Variants in MYB observed in about 807,000 individuals in gnomAD.
MYB encodes the protein MYB proto-oncogene, transcription factor.
Under a neutral mutation model 92.9 loss-of-function variants are expected in MYB, and 28 were observed. That is an observed-to-expected ratio of 0.30 (90% CI 0.22 to 0.41). The LOEUF (loss-of-function observed/expected upper bound fraction) is 0.41. Ranked by LOEUF, MYB falls within the 10% of genes least tolerant of loss-of-function variation. MYB has a pLI of 1.00. For synonymous variants in MYB, 295 were observed against 329.1 expected, an observed-to-expected ratio of 0.90 and a Z score of 1.12; for missense variants, 679 against 929.3, an observed-to-expected ratio of 0.73 and a Z score of 3.50.
intron 3 of MYB, among the ~76,000 whole-genome samples, chr6:135,188,966 C>T (rs1457126060): frequency 6.6e-6 from 1 of 152,146 alleles, no homozygotes; most frequent in African/African-American, 2.4e-5. Context: ...CCTCTATTGC[C>T]CCAACTTACA....
intron 15 of MYB, among the ~76,000 whole-genome samples, chr6:135,216,230 C>T (rs931659488): frequency 1.3e-5 from 2 of 152,116 alleles, no homozygotes; most frequent in Admixed American, 6.5e-5. Flanking sequence ...GTTTCAGAAC[C>T]CGCAAGGACA....
In MYB at chr6:135,201,720, A is replaced by G; in HGVS notation, c.2032A>G (p.Thr678Ala). ...GGACAGTCTGAATACCCAACTGTTC[A>G]CGCAGACCTCGCCTGTGGCAGATGC... ...EGDSLNTQLF[T>A]QTSPVADAPN... Residue 678 changes from threonine (T) to alanine (A), a missense_variant, in exon 14 of 16, where the codon ACG (threonine) becomes GCG (alanine). Transcript: ENST00000341911. 1 of 1,545,116 alleles carries G rather than the reference A, an allele frequency of 6.5e-7. No homozygotes were observed. Among genetic ancestry groups the G allele is most frequent in the Non-Finnish European group, 8.8e-7 (1 of 1,138,438 alleles).
At chr6:135,208,170 T>A (rs1262054514) in intron 15 of MYB, among the ~76,000 whole-genome samples, 1 of 147,358 alleles carries the variant, frequency 6.8e-6, no homozygotes, top group Non-Finnish European at 1.5e-5. Context: ...CCTCCACCTC[T>A]TGGGTTCAAG....
At chr6:135,208,055 A>AGTTTTAT (rs1779195245) in intron 15 of MYB, among the ~76,000 whole-genome samples, 2 of 132,076 alleles carry the variant, frequency 1.5e-5, no homozygotes, top group Non-Finnish European at 3.3e-5. Flanking sequence ...TGAAGTTTTT[A>AGTTTTAT]TTTTTATTTT....
rs1252102154 is a variant in MYB, at chr6:135,217,360, A to G, written c.2170-504A>G. ...GATCAGCCTGGTATGACAGAGCATGACTCTGTCTCAAAAAAAAAAGGAAAA... is the reference window on the plus strand; with the variant it reads ...GATCAGCCTGGTATGACAGAGCATGGCTCTGTCTCAAAAAAAAAAGGAAAA... On this transcript the variant is annotated intron_variant, in intron 15 of 15. Coordinates refer to ENST00000341911, the MANE Select transcript of MYB (RefSeq NM_001130173.2). Among the ~76,000 whole-genome samples the G allele has an allele frequency of 2.1e-5, 3 of 139,840 alleles. No homozygotes were observed. In the East Asian group the frequency reaches 6.4e-4, roughly 30 times the overall value. The allele number at this position is 139,840 out of a possible 152,430, so 91.7% of individuals were successfully genotyped here. A position where few individuals can be genotyped will look rare whatever the true frequency, so the allele number is the denominator to read the frequency against.
chr6:135,200,925 A>C (rs1583333528), intron 13 of MYB, among the ~76,000 whole-genome samples: 1 of 152,012 alleles, frequency 6.6e-6, no homozygotes, highest in Non-Finnish European at 1.5e-5. Context: ...AAAAATACAA[A>C]AAAATTAGCT....
Position 135,200,371 on chromosome 6 carries a change from T to A in MYB, c.1906T>A (p.Phe636Ile). The A allele has an allele frequency of 6.2e-7, 1 of 1,613,940 alleles. No homozygotes were observed. The highest frequency in any genetic ancestry group is 8.5e-7 in the Non-Finnish European group (1 of 1,179,982). The change falls in exon 13 of 16, where the codon TTT becomes ATT. Residue 636 changes from phenylalanine (F) to isoleucine (I), a missense_variant. Coordinates refer to ENST00000341911, the MANE Select transcript of MYB (RefSeq NM_001130173.2). Reference protein sequence around the residue: ...ESDESGIVAEFQENGPPLLKK... With the variant: ...ESDESGIVAEIQENGPPLLKK... ...TGATGAATCTGGAATTGTTGCTGAG[T>A]TTCAAGAAAATGGACCACCCTTACT...
chr6:135,192,164 G>A (rs1776714790), intron 5 of MYB, among the ~76,000 whole-genome samples, 160 bp from the exon 6 acceptor site: 1 of 152,184 alleles, frequency 6.6e-6, no homozygotes, highest in African/African-American at 2.4e-5. Flanking sequence ...AATAGAGAAA[G>A]CCTGATCTCA....
chr6:135,196,703 A>T, intron 9 of MYB: 1 of 1,438,276 alleles, frequency 7.0e-7, no homozygotes, highest in Non-Finnish European at 9.3e-7. Context: ...AAAGGTCTTC[A>T]TTTTGCTTTC....
chr6:135,188,689 T>C (rs1776262976), intron 3 of MYB, among the ~76,000 whole-genome samples: 1 of 152,022 alleles, frequency 6.6e-6, no homozygotes, highest in South Asian at 2.1e-4. Flanking sequence ...TTTGTATTTT[T>C]AGTAGAGACA....
intron 15 of MYB, among the ~76,000 whole-genome samples, chr6:135,210,594 G>C (rs959812736): frequency 6.6e-6 from 1 of 152,060 alleles, no homozygotes; most frequent in South Asian, 2.1e-4. Context: ...TTGCCTGATA[G>C]GCACTGCTGA....
At chr6:135,211,596 T>C (rs548354831) in intron 15 of MYB, among the ~76,000 whole-genome samples, 1 of 152,298 alleles carries the variant, frequency 6.6e-6, no homozygotes, top group Admixed American at 6.5e-5. Context: ...CATATGTGAC[T>C]AAGGAAAAGG....
At chr6:135,196,671 T>C in intron 9 of MYB, 2 of 1,171,992 alleles carry the variant, frequency 1.7e-6, no homozygotes, top group Non-Finnish European at 2.3e-6. Flanking sequence ...GAGATGACCA[T>C]TGCCGTAATA....
chr6:135,185,403 C>T (rs985923944), intron 1 of MYB, among the ~76,000 whole-genome samples: 2 of 152,168 alleles, frequency 1.3e-5, no homozygotes, highest in South Asian at 2.1e-4. Context: ...CGCTGTACTA[C>T]TTCTTGATTT....
chr6:135,195,083 T>G (rs1449081896), intron 8 of MYB: 3 of 1,283,160 alleles, frequency 2.3e-6, no homozygotes, highest in Non-Finnish European at 3.0e-6. Flanking sequence ...TGATGCCCAG[T>G]AGGTATTCCT....
intron 15 of MYB, among the ~76,000 whole-genome samples, chr6:135,206,650 C>A (rs527566149): frequency 1.3e-5 from 2 of 152,188 alleles, no homozygotes; most frequent in Non-Finnish European, 2.9e-5. Context: ...GAGCCCAGAT[C>A]GTGCCATTGA....
chr6:135,206,138 G>A (rs1292357675), intron 15 of MYB, among the ~76,000 whole-genome samples: 5 of 147,184 alleles, frequency 3.4e-5, no homozygotes, highest in Non-Finnish European at 4.5e-5. Flanking sequence ...CCCAGGAGGC[G>A]GAGCTTGCAG....
chr6:135,198,977 A>G lies in MYB; in HGVS notation c.1636A>G (p.Ile546Val). The G allele has an allele frequency of 6.2e-7, 1 of 1,611,564 alleles. No individual in the cohort carries two copies. The highest frequency in any genetic ancestry group is 8.5e-7 in the Non-Finnish European group (1 of 1,177,908). ...GCCTTCTTTAACTTCCACCCCCCTC[A>G]TTGGTCACAAATTGACTGTTACAAC... The part of the protein sequence containing the change: ...EMPSLTSTPL[I>V]GHKLTVTTPF... The change falls in exon 11 of 16, where the codon ATT becomes GTT. Residue 546 changes from isoleucine to valine, a missense_variant. By Grantham distance (29) the Ile-to-Val change is conservative. Around this residue, in one of 8 missense-constraint regions of MYB, gnomAD observed 402 missense variants for 434.2 expected, o/e 0.93. Coordinates refer to ENST00000341911, the MANE Select transcript of MYB (RefSeq NM_001130173.2).
intron 5 of MYB, 114 bp from the exon 6 acceptor site, chr6:135,192,210 A>G (rs542277771): frequency 5.0e-6 from 4 of 807,876 alleles, no homozygotes; most frequent in Non-Finnish European, 8.1e-6. Flanking sequence ...AAAAAGAGAA[A>G]ACAACTAATA....
Sources: gnomAD v4.1 joint callset for allele counts (sites outside exome capture counted in the v4.1 genomes callset) on GRCh38, gnomAD v4.1.1 for gene constraint, gnomAD v4.1.1 regional missense constraint, MANE v1.5 for transcripts, NCBI Gene and HGNC (gene_info 2026-07-23, HGNC 2026-07-21) for gene names.